Variants in MEIS2 observed in about 807,000 individuals in gnomAD.
MEIS2 encodes the protein Meis homeobox 2.
MEIS2 carries 9 observed loss-of-function variants against 58.6 expected under a neutral mutation model. That is an observed-to-expected ratio of 0.15 (90% CI 0.09 to 0.27). The LOEUF (loss-of-function observed/expected upper bound fraction) is 0.27. MEIS2 is among the 10% of genes least tolerant of loss of function. The pLI, the probability that MEIS2 is intolerant of heterozygous loss-of-function variation, is 1.00. For missense variants in MEIS2, 427 were observed against 635.0 expected, an observed-to-expected ratio of 0.67 and a Z score of 3.52; for synonymous variants, 221 against 228.4, an observed-to-expected ratio of 0.97 and a Z score of 0.29.
chr15:36,956,058 G>T (rs890041825), intron 8 of MEIS2, among the ~76,000 whole-genome samples: 14 of 147,242 alleles, frequency 9.5e-5, no homozygotes, highest in African/African-American at 3.3e-4. Flanking sequence ...TTAGCCGGGC[G>T]TGGTGGCGGG....
At chr15:36,924,216 T>C (rs544591135) in intron 9 of MEIS2, among the ~76,000 whole-genome samples, 1 of 152,298 alleles carries the variant, frequency 6.6e-6, no homozygotes, top group African/African-American at 2.4e-5. Flanking sequence ...GGCTATCTAG[T>C]AATACTCCTG....
chr15:37,005,793 A>C (rs968501201), intron 8 of MEIS2, among the ~76,000 whole-genome samples: 1 of 152,156 alleles, frequency 6.6e-6, no homozygotes, highest in Non-Finnish European at 1.5e-5. Flanking sequence ...TTCTGAGCTC[A>C]AGTCATCCGC....
chr15:36,911,643 C>A (rs2057029720), intron 9 of MEIS2, among the ~76,000 whole-genome samples: 1 of 152,202 alleles, frequency 6.6e-6, no homozygotes, highest in South Asian at 2.1e-4. Context: ...CACCACCTGC[C>A]TGCCCTCTGA....
intron 7 of MEIS2, among the ~76,000 whole-genome samples, chr15:37,080,740 C>T (rs892192909): frequency 8.5e-5 from 13 of 152,200 alleles, no homozygotes; most frequent in African/African-American, 2.9e-4. Flanking sequence ...ACAAGACAAA[C>T]TCCCTTCCTT....
At chr15:37,096,469 C>T (rs1170967593) in intron 2 of MEIS2, 39 bp from the exon 3 acceptor site, 1 of 1,600,670 alleles carries the variant, frequency 6.2e-7, no homozygotes, top group Non-Finnish European at 8.5e-7. Flanking sequence ...CACACAGAGA[C>T]GGGGTGCAGA....
rs769487472 is a variant in MEIS2, at chr15:36,950,291, TG to T, written c.977+32del. 14 of 1,523,970 alleles carry T rather than the reference TG, an allele frequency of 9.2e-6. No individual in the cohort carries two copies. The Admixed American group carries it at 2.2e-4, about 24-fold the overall frequency. The allele number at this position is 1,523,970 out of a possible 1,614,324, so 94.4% of individuals were successfully genotyped here. A position where few individuals can be genotyped will look rare whatever the true frequency, so the allele number is the denominator to read the frequency against. On this transcript the variant is annotated intron_variant, in intron 9 of 11. Coordinates refer to ENST00000561208, the MANE Select transcript of MEIS2 (RefSeq NM_170675.5). ...TTATTTAGAAATCTCATTTTAGCCATGGGAGAAAGACATTGATTTTTGGGTC... is the reference window on the plus strand; with the variant it reads ...TTATTTAGAAATCTCATTTTAGCCATGGAGAAAGACATTGATTTTTGGGTC...
intron 9 of MEIS2, among the ~76,000 whole-genome samples, chr15:36,941,561 A>G (rs2058375912): frequency 6.6e-6 from 1 of 152,176 alleles, no homozygotes; most frequent in Non-Finnish European, 1.5e-5. Context: ...AGATCAAGAA[A>G]GGTAGCATGT....
At chr15:36,894,339 C>T in intron 11 of MEIS2, 1 of 155,102 alleles carries the variant, frequency 6.4e-6, no homozygotes, top group Admixed American at 6.2e-5. Context: ...TCTACTTTTC[C>T]TTTTTTTTTT....
intron 8 of MEIS2, among the ~76,000 whole-genome samples, chr15:37,021,910 T>G (rs889558873): frequency 2.6e-5 from 4 of 152,150 alleles, no homozygotes; most frequent in African/African-American, 7.2e-5. Flanking sequence ...TTACTTTGCC[T>G]AGCAACACAT....
intron 8 of MEIS2, among the ~76,000 whole-genome samples, chr15:37,022,622 GACTT>G (rs1211978882): frequency 6.6e-6 from 1 of 152,024 alleles, no homozygotes; most frequent in African/African-American, 2.4e-5. Flanking sequence ...TTCATCTTTT[GACTT>G]TTTATTCACT....
intron 8 of MEIS2, among the ~76,000 whole-genome samples, chr15:37,025,739 T>C (rs528037510): frequency 1.3e-4 from 19 of 144,210 alleles, no homozygotes; most frequent in Non-Finnish European, 2.1e-4. Flanking sequence ...CATTTTTCTG[T>C]CAAACTTGCT....
chr15:37,095,411 G>A (rs2140093483), intron 4 of MEIS2, among the ~76,000 whole-genome samples, 153 bp downstream of exon 4: 1 of 152,302 alleles, frequency 6.6e-6, no homozygotes, highest in Admixed American at 6.5e-5. Flanking sequence ...CAGCTCCCGT[G>A]CGGGGGCTCT....
In MEIS2 at chr15:37,041,301, C is replaced by T. The variant is rs572073038; in HGVS notation, c.755-4342G>A. On this transcript the variant is annotated intron_variant, in intron 7 of 11. Coordinates refer to ENST00000561208, the MANE Select transcript of MEIS2 (RefSeq NM_170675.5). ...TCATCCCTGCAGGTGGGTCTGATGC[C>T]CACTCTAGCTCGAGAACCACTGCCA... Among the ~76,000 whole-genome samples, 7 of 152,226 alleles carry T rather than the reference C, an allele frequency of 4.6e-5. No homozygotes were observed. In the East Asian group the frequency reaches 1.2e-3, roughly 25 times the overall value.
chr15:36,914,524 A>C (rs2057183360), intron 9 of MEIS2, among the ~76,000 whole-genome samples: 1 of 152,234 alleles, frequency 6.6e-6, no homozygotes, highest in South Asian at 2.1e-4. Flanking sequence ...CCATTTGAAA[A>C]GTGCTCCCTC....
intron 8 of MEIS2, among the ~76,000 whole-genome samples, chr15:36,954,018 T>G (rs1396555751): frequency 6.6e-6 from 1 of 152,182 alleles, no homozygotes; most frequent in Non-Finnish European, 1.5e-5. Flanking sequence ...CTTTATTCTG[T>G]GTTAAAAGAA....
intron 9 of MEIS2, among the ~76,000 whole-genome samples, chr15:36,910,395 T>C (rs985820504): frequency 2.0e-5 from 3 of 152,050 alleles, no homozygotes; most frequent in African/African-American, 7.2e-5. Context: ...CTGCTGCAGA[T>C]TGTGTCACAG....
At chr15:37,101,299 A>C (rs1895080843), upstream of MEIS2, 1 of 104,574 alleles carries the variant, frequency 9.6e-6, no homozygotes, top group Non-Finnish European at 1.9e-5. Flanking sequence ...GATGTAGCCA[A>C]AGGCGTGTGT....
chr15:36,922,080 C>G (rs1254673560), intron 9 of MEIS2, among the ~76,000 whole-genome samples: 1 of 152,184 alleles, frequency 6.6e-6, no homozygotes, highest in Non-Finnish European at 1.5e-5. Flanking sequence ...CCTTCCCAAT[C>G]TTAAAAAATT....
intron 8 of MEIS2, among the ~76,000 whole-genome samples, chr15:36,968,902 T>A (rs1393830053): frequency 1.3e-5 from 2 of 152,208 alleles, no homozygotes; most frequent in Admixed American, 1.3e-4. Flanking sequence ...TAGTTGAGGA[T>A]CTCAGTAAAA....
Sources: gnomAD v4.1 joint callset for allele counts (sites outside exome capture counted in the v4.1 genomes callset) on GRCh38, gnomAD v4.1.1 for gene constraint, MANE v1.5 for transcripts, NCBI Gene and HGNC (gene_info 2026-07-23, HGNC 2026-07-21) for gene names.